SLC20A2: variants seen among roughly 807,000 people sequenced by gnomAD.
SLC20A2 encodes the protein sodium-dependent phosphate transporter 2.
Under a neutral mutation model 61.0 loss-of-function variants are expected in SLC20A2, and 30 were observed. The observed-to-expected ratio is 0.49, with a 90% CI of 0.37 to 0.67. SLC20A2 has a LOEUF of 0.67. Ranked by LOEUF, SLC20A2 falls within the 30% of genes least tolerant of loss-of-function variation. SLC20A2 has a pLI of 0.00. For missense variants in SLC20A2, 626 were observed against 866.4 expected (o/e 0.72, Z 3.48); for synonymous variants, 351 against 353.3 (o/e 0.99, Z 0.07).
At position 42,444,377 on chromosome 8, in the gene SLC20A2, T is replaced by A. The variant is rs545741627; in HGVS notation, c.730+269A>T. Among the ~76,000 whole-genome samples, 6 of 152,360 alleles carry A rather than the reference T, an allele frequency of 3.9e-5. 1 individual carries two copies. The highest frequency in any genetic ancestry group is 6.8e-3 in the Middle Eastern group (2 of 294). ...TAATTTGCATTTCTATGAAGGCTAA[T>A]GTTTTTCCACAGGCTGGCAGAACTG... On this transcript the variant is annotated intron_variant, in intron 6 of 10. Coordinates refer to ENST00000520262, the MANE Select transcript of SLC20A2 (RefSeq NM_001257180.2).
intron 2 of SLC20A2, among the ~76,000 whole-genome samples, chr8:42,469,249 A>C: frequency 6.6e-6 from 1 of 152,208 alleles, no homozygotes; most frequent in Admixed American, 6.5e-5. Context: ...CTCCCAGGGC[A>C]AAGAACCCGA....
At chr8:42,436,064 T>C (rs1804225193) in intron 8 of SLC20A2, among the ~76,000 whole-genome samples, 3 of 151,718 alleles carry the variant, frequency 2.0e-5, no homozygotes. Flanking sequence ...TGCAGTGAGC[T>C]GAGATTGCGC....
chr8:42,417,703 G>T lies in SLC20A2; in HGVS notation c.*100C>A. On this transcript the variant is annotated 3_prime_UTR_variant, in exon 11 of 11. Transcript: ENST00000520262. ...GCAGAGAGCTGGTCATGAGAGAGCC[G>T]TGCACGGCCAGGATGTGTATGTGCG... 7.6e-7 allele frequency: 1 copy of T among 1,319,270 alleles called. No homozygotes were observed. The highest frequency in any genetic ancestry group is 1.1e-6 in the Non-Finnish European group (1 of 936,592). 81.7% of individuals were successfully genotyped at this position (1,319,270 alleles called of 1,614,324 possible). A position where few individuals can be genotyped will look rare whatever the true frequency, so the allele number is the denominator to read the frequency against.
chr8:42,534,308 A>C (rs1291735616), intron 1 of SLC20A2, among the ~76,000 whole-genome samples: 1 of 152,206 alleles, frequency 6.6e-6, no homozygotes, highest in Non-Finnish European at 1.5e-5. Context: ...AAAGGAAAGA[A>C]GAGGTAACAC....
chr8:42,524,810 T>A (rs573750640), intron 1 of SLC20A2, among the ~76,000 whole-genome samples: 2 of 127,006 alleles, frequency 1.6e-5, no homozygotes, highest in African/African-American at 6.0e-5. Flanking sequence ...AATAAATAAA[T>A]AAAAATAAAA....
chr8:42,531,608 G>A (rs1812325092), intron 1 of SLC20A2, among the ~76,000 whole-genome samples: 1 of 152,084 alleles, frequency 6.6e-6, no homozygotes, highest in African/African-American at 2.4e-5. Flanking sequence ...TTTGCCAAAA[G>A]CTCCATTTTC....
chr8:42,424,456 T>C (rs959897190), intron 10 of SLC20A2, among the ~76,000 whole-genome samples: 2 of 152,126 alleles, frequency 1.3e-5, no homozygotes, highest in Non-Finnish European at 2.9e-5. Context: ...GCTAGGATTA[T>C]AGGCATGAGC....
At chr8:42,440,653 T>C (rs1176406683) in intron 6 of SLC20A2, among the ~76,000 whole-genome samples, 5 of 152,218 alleles carry the variant, frequency 3.3e-5, no homozygotes, top group African/African-American at 1.2e-4. Context: ...TAAGAGTATA[T>C]TTATGGCAAG....
At chr8:42,422,221 T>A (rs1247062775) in intron 10 of SLC20A2, among the ~76,000 whole-genome samples, 1 of 152,104 alleles carries the variant, frequency 6.6e-6, no homozygotes, top group Non-Finnish European at 1.5e-5. Flanking sequence ...CTTGCCTAAT[T>A]TTTATATTTT....
At position 42,465,339 on chromosome 8, in the gene SLC20A2, G is replaced by A. The variant is rs1807068590; in HGVS notation, c.430+438C>T. Among the ~76,000 whole-genome samples the A allele has an allele frequency of 2.0e-5, 3 of 151,902 alleles. No homozygotes were observed. In the South Asian group the frequency reaches 6.2e-4, roughly 32 times the overall value. On this transcript the variant is annotated intron_variant, in intron 3 of 10. Coordinates refer to ENST00000520262, the MANE Select transcript of SLC20A2 (RefSeq NM_001257180.2). ...CCCAAAGTGCTGGGATTATAGGCGTGAGCCACCATGTCTGGCCCATCTAGG... is the reference window on the plus strand; with the variant it reads ...CCCAAAGTGCTGGGATTATAGGCGTAAGCCACCATGTCTGGCCCATCTAGG...
In SLC20A2 at chr8:42,417,658, T is replaced by C; in HGVS notation, c.*145A>G. ...CGCAGCCTGGGTGAACAGTGTGGGA[T>C]GGAGCCTCCTGGAAGGGAGGCAGAG... On this transcript the variant is annotated 3_prime_UTR_variant, in exon 11 of 11. Transcript: ENST00000520262. The C allele has an allele frequency of 1.3e-6, 1 of 799,744 alleles. No homozygotes were observed. Among genetic ancestry groups the C allele is most frequent in the South Asian group, 1.7e-5 (1 of 57,748 alleles). The allele number at this position is 799,744 out of a possible 1,614,324, so 49.5% of individuals were successfully genotyped here.
Position 42,425,795 on chromosome 8 carries a change from C to A in SLC20A2, c.1794+2963G>T, listed in dbSNP as rs1275142954. On this transcript the variant is annotated intron_variant, in intron 10 of 10. Coordinates refer to ENST00000520262, the MANE Select transcript of SLC20A2 (RefSeq NM_001257180.2). ...CGGTGGCTCATGTCTGTAATCCCAGCACTTTGGGAGGCTGAGGCGGGCGGA... is the reference window on the plus strand; with the variant it reads ...CGGTGGCTCATGTCTGTAATCCCAGAACTTTGGGAGGCTGAGGCGGGCGGA... Among the ~76,000 whole-genome samples, 3 of 152,254 alleles carry A rather than the reference C, an allele frequency of 2.0e-5. No homozygotes were observed. The East Asian group carries it at 5.8e-4, about 29-fold the overall frequency.
At chr8:42,445,049 T>C (rs1046848580) in intron 5 of SLC20A2, among the ~76,000 whole-genome samples, 3 of 152,222 alleles carry the variant, frequency 2.0e-5, no homozygotes, top group South Asian at 4.1e-4. Flanking sequence ...CCCAGCACTT[T>C]GGGAGGCCAA....
rs11984840 is a variant in SLC20A2, at chr8:42,438,408, G to T, written c.935-831C>A. Reference sequence around the variant, plus strand: ...AGCTCACTCCAACTCCTGGGCTCAAGTCATTCTCCCGCCTGAGCCTCCCAA... The same window carrying T: ...AGCTCACTCCAACTCCTGGGCTCAATTCATTCTCCCGCCTGAGCCTCCCAA... On this transcript the variant is annotated intron_variant, in intron 7 of 10. Coordinates refer to ENST00000520262, the MANE Select transcript of SLC20A2 (RefSeq NM_001257180.2). Among the ~76,000 whole-genome samples the T allele has an allele frequency of 9.8e-3, 1,496 of 152,270 alleles. 25 individuals are homozygous for T. Among genetic ancestry groups the T allele is most frequent in the African/African-American group, 0.034 (1,416 of 41,542 alleles).
chr8:42,532,134 G>A (rs1173346304), intron 1 of SLC20A2, among the ~76,000 whole-genome samples: 1 of 152,008 alleles, frequency 6.6e-6, no homozygotes, highest in African/African-American at 2.4e-5. Context: ...GCCAGTCTCT[G>A]TCTGCTTTGT....
At chr8:42,496,143 T>G (rs959988395) in intron 1 of SLC20A2, among the ~76,000 whole-genome samples, 3 of 152,210 alleles carry the variant, frequency 2.0e-5, no homozygotes, top group Admixed American at 1.3e-4. Flanking sequence ...GTTACTTGTG[T>G]GACAGTTTTT....
At chr8:42,424,772 G>A (rs992329701) in intron 10 of SLC20A2, among the ~76,000 whole-genome samples, 5 of 152,154 alleles carry the variant, frequency 3.3e-5, no homozygotes, top group African/African-American at 9.7e-5. Context: ...TAGGCCGGGC[G>A]CACTGGCTCA....
intron 10 of SLC20A2, chr8:42,419,645 T>C: frequency 2.3e-6 from 2 of 881,584 alleles, no homozygotes; most frequent in Non-Finnish European, 2.7e-6. Context: ...GGAAGAGCTC[T>C]TTCCTCTCCC....
chr8:42,488,554 A>G (rs1363209662), intron 1 of SLC20A2, among the ~76,000 whole-genome samples: 1 of 152,184 alleles, frequency 6.6e-6, no homozygotes, highest in Non-Finnish European at 1.5e-5. Flanking sequence ...CCTTTTGGAT[A>G]TATACCCAGA....
Sources: gnomAD v4.1 joint callset for allele counts (sites outside exome capture counted in the v4.1 genomes callset) on GRCh38, gnomAD v4.1.1 for gene constraint, MANE v1.5 for transcripts, NCBI Gene and HGNC (gene_info 2026-07-23, HGNC 2026-07-21) for gene names.